Variants in XPR1 observed in about 807,000 individuals in gnomAD.
The protein encoded by XPR1 is solute carrier family 53 member 1.
A neutral mutation model predicts 87.5 loss-of-function variants in XPR1; 28 were observed. The observed-to-expected ratio is 0.32, with a 90% CI of 0.24 to 0.44. The LOEUF (loss-of-function observed/expected upper bound fraction) is 0.44. Ranked by LOEUF, XPR1 falls within the 20% of genes least tolerant of loss-of-function variation. The pLI, the probability that XPR1 is intolerant of heterozygous loss-of-function variation, is 1.00. For missense variants in XPR1, 559 were observed against 862.3 expected, an observed-to-expected ratio of 0.65 and a Z score of 4.41; for synonymous variants, 300 against 306.1, an observed-to-expected ratio of 0.98 and a Z score of 0.21.
chr1:180,880,231 G>A lies in XPR1; in HGVS notation c.1964G>A (p.Arg655His), dbSNP rs560099680. 1.3e-4 allele frequency: 210 copies of A among 1,614,116 alleles called. 1 individual carries two copies. Among genetic ancestry groups the A allele is most frequent in the East Asian group, 8.2e-4 (37 of 44,878 alleles). ...GACCAGGATGATGGGGTACGAAACC[G>A]CCAGAAGAATCGGTCATGGAAGTAC... Reference protein sequence around the residue: ...MMDQDDGVRNRQKNRSWKYNQ... With the variant: ...MMDQDDGVRNHQKNRSWKYNQ... The change falls in exon 14 of 15, where the codon CGC (arginine) becomes CAC (histidine). Residue 655 changes from arginine to histidine, a missense_variant. Physicochemically the swap from Arg to His is conservative, Grantham distance 29. Around this residue, in one of 7 missense-constraint regions of XPR1, gnomAD observed 80 missense variants for 99.5 expected, o/e 0.80. Transcript: ENST00000367590.
chr1:180,860,177 A>G (rs924643581), intron 11 of XPR1, among the ~76,000 whole-genome samples: 2 of 152,230 alleles, frequency 1.3e-5, no homozygotes, highest in Admixed American at 6.5e-5. Context: ...CAAAATGTCT[A>G]TTAGAGTAGC....
intron 2 of XPR1, among the ~76,000 whole-genome samples, chr1:180,745,777 A>T (rs1481978902): frequency 6.6e-6 from 1 of 152,202 alleles, no homozygotes; most frequent in African/African-American, 2.4e-5. Context: ...GTTTGGTGGC[A>T]CTTTGATTCT....
rs150942999 is a variant in XPR1, at chr1:180,816,263, C to T, written c.763+4775C>T. ...ATTAGTTAGATTCTCATAAGGAGCG[C>T]GCAACCTAGAGATCCCTCCCATGCG... On this transcript the variant is annotated intron_variant, in intron 7 of 14. Transcript: ENST00000367590. 5.1e-3 allele frequency among the ~76,000 whole-genome samples: 770 copies of T among 152,252 alleles called. 4 individuals carry two copies. The highest frequency in any genetic ancestry group is 0.01 in the Admixed American group (160 of 15,292).
At chr1:180,804,340 A>T (rs1482454861) in intron 4 of XPR1, among the ~76,000 whole-genome samples, 6 of 152,136 alleles carry the variant, frequency 3.9e-5, no homozygotes, top group Non-Finnish European at 5.9e-5. Flanking sequence ...CAGATAGTTA[A>T]TTTTTCTGCA....
At chr1:180,858,741 A>G (rs558738771) in intron 11 of XPR1, among the ~76,000 whole-genome samples, 79 of 152,292 alleles carry the variant, frequency 5.2e-4, no homozygotes, top group Admixed American at 4.7e-3. Context: ...CCTCAACTTC[A>G]GTTTCCTTAA....
intron 2 of XPR1, among the ~76,000 whole-genome samples, chr1:180,713,129 T>C (rs2101986903): frequency 6.6e-6 from 1 of 152,110 alleles, no homozygotes; most frequent in East Asian, 1.9e-4. Context: ...AACCTGAGAG[T>C]AAGGTATATA....
chr1:180,850,684 A>G (rs1228668666), intron 11 of XPR1, among the ~76,000 whole-genome samples: 2 of 152,180 alleles, frequency 1.3e-5, no homozygotes, highest in African/African-American at 4.8e-5. Context: ...CTGGCCAGGC[A>G]TGGTAACTGA....
At chr1:180,827,482 G>A (rs192046398) in intron 9 of XPR1, among the ~76,000 whole-genome samples, 485 of 152,300 alleles carry the variant, frequency 3.2e-3, no homozygotes, top group Non-Finnish European at 5.0e-3. Flanking sequence ...CAGAATGATT[G>A]CCCATTGAGT....
In XPR1 at chr1:180,759,281, A is replaced by G. The variant is rs368182339; in HGVS notation, c.122-28472A>G. Among the ~76,000 whole-genome samples, 29 of 152,294 alleles carry G rather than the reference A, an allele frequency of 1.9e-4. No homozygotes were observed. In the South Asian group the frequency reaches 3.3e-3, roughly 17 times the overall value. On this transcript the variant is annotated intron_variant, in intron 2 of 14. Transcript: ENST00000367590. ...TAACTAAAATCAGAGCAGAACTGAAAGAAATAGAGACACAAAAAACCCTTC... is the reference window on the plus strand; with the variant it reads ...TAACTAAAATCAGAGCAGAACTGAAGGAAATAGAGACACAAAAAACCCTTC...
At chr1:180,659,988 T>C (rs549986995) in intron 1 of XPR1, among the ~76,000 whole-genome samples, 1 of 152,310 alleles carries the variant, frequency 6.6e-6, no homozygotes, top group Admixed American at 6.5e-5. Context: ...AGTGAAACCA[T>C]TGGGTCCCAG....
chr1:180,748,523 A>G (rs1001015335), intron 2 of XPR1, among the ~76,000 whole-genome samples: 2 of 144,438 alleles, frequency 1.4e-5, no homozygotes, highest in Non-Finnish European at 3.0e-5. Context: ...GGTTCAAGCA[A>G]TTCTCCTGCC....
At chr1:180,862,817 G>T (rs1325332490) in intron 11 of XPR1, among the ~76,000 whole-genome samples, 1 of 151,906 alleles carries the variant, frequency 6.6e-6, no homozygotes, top group Non-Finnish European at 1.5e-5. Flanking sequence ...AAACTTTTTT[G>T]AATTAGATTT....
intron 2 of XPR1, among the ~76,000 whole-genome samples, chr1:180,747,055 CATT>C (rs972479683): frequency 5.9e-5 from 9 of 152,020 alleles, no homozygotes; most frequent in Non-Finnish European, 1.2e-4. Flanking sequence ...TGTTCATAAT[CATT>C]AGTAATTAAT....
intron 2 of XPR1, among the ~76,000 whole-genome samples, chr1:180,741,885 T>G (rs149410105): frequency 1.2e-3 from 182 of 152,312 alleles, no homozygotes; most frequent in Non-Finnish European, 2.2e-3. Flanking sequence ...AGTGTATGGT[T>G]TTTGAGGAAT....
At chr1:180,774,006 T>G (rs7533479) in intron 2 of XPR1, among the ~76,000 whole-genome samples, 6,545 of 152,308 alleles carry the variant, frequency 0.043, 502 homozygotes, top group African/African-American at 0.15. Context: ...TTTCATTGTT[T>G]TATATACATT....
At chr1:180,812,614 C>T (rs1394472820) in intron 7 of XPR1, among the ~76,000 whole-genome samples, 1 of 151,532 alleles carries the variant, frequency 6.6e-6, no homozygotes, top group Non-Finnish European at 1.5e-5. Flanking sequence ...TTCTCACCAC[C>T]TTGGCCAGTG....
At chr1:180,713,302 A>C (rs1303222973) in intron 2 of XPR1, among the ~76,000 whole-genome samples, 1 of 152,138 alleles carries the variant, frequency 6.6e-6, no homozygotes, top group East Asian at 1.9e-4. Flanking sequence ...GCTATTATGC[A>C]AAAGTACTAT....
At chr1:180,687,605 G>T (rs1226809457) in intron 2 of XPR1, among the ~76,000 whole-genome samples, 2 of 152,018 alleles carry the variant, frequency 1.3e-5, no homozygotes, top group African/African-American at 4.8e-5. Context: ...AACAATTTCA[G>T]TGTATTGAGA....
intron 2 of XPR1, among the ~76,000 whole-genome samples, chr1:180,697,624 T>G (rs1657212903): frequency 6.6e-6 from 1 of 152,148 alleles, no homozygotes; most frequent in Non-Finnish European, 1.5e-5. Context: ...AACAGTGTCC[T>G]GTAGGTTTGG....
Sources: allele counts gnomAD v4.1 joint callset (sites outside exome capture counted in the v4.1 genomes callset), GRCh38; gene constraint gnomAD v4.1.1; regional missense constraint gnomAD v4.1.1; transcripts MANE v1.5; gene names NCBI Gene and HGNC (gene_info 2026-07-23, HGNC 2026-07-21).